Variants in FZR1 observed in about 807,000 individuals in gnomAD.
The protein encoded by FZR1 is fizzy and cell division cycle 20 related 1.
A neutral mutation model predicts 63.6 loss-of-function variants in FZR1; 11 were observed. The ratio of observed to expected loss-of-function variants is 0.17; its 90% CI spans 0.11 to 0.29. The LOEUF (loss-of-function observed/expected upper bound fraction) is 0.29, where lower values mean the gene tolerates loss of function less well. Ranked by LOEUF, FZR1 falls within the 10% of genes least tolerant of loss-of-function variation. The pLI, the probability that FZR1 is intolerant of heterozygous loss-of-function variation, is 1.00. For synonymous variants in FZR1, 328 were observed against 297.9 expected, an observed-to-expected ratio of 1.10 and a Z score of -1.04; for missense variants, 440 against 687.5, an observed-to-expected ratio of 0.64 and a Z score of 4.03.
rs202194941 is a variant in FZR1 at position 3,527,826 on chromosome 19, G to A, written c.654+12G>A. On this transcript the variant is annotated intron_variant, in intron 7 of 13. Transcript: ENST00000441788. ...CCTGTACCAGCCAGGTGGGTGCTGC[G>A]TGGGGTGTGCATGTGCATGGGGGCC... The A allele has an allele frequency of 6.8e-5, 109 of 1,601,410 alleles. No homozygotes were observed. In the African/African-American group the frequency reaches 1.2e-3, roughly 17 times the overall value.
rs1162722935 is a variant in FZR1, at chr19:3,526,335, T to A, written c.336T>A (p.Thr112=). ...TCGAGAAGGTGCAGGACCCGCAGAC[T>A]GAGGACCGCAGGCTGCAGCCCTCCA... ...AGIEKVQDPQ[T]EDRRLQPSTP... is the part of the protein sequence containing the mutation. The change falls in exon 5 of 14, where the codon ACT becomes ACA. Residue 112 remains threonine, a synonymous_variant. Transcript: ENST00000441788. The surrounding 1 kb of genome is among the most constrained non-coding windows in gnomAD (Gnocchi z 5.4). The A allele has an allele frequency of 1.2e-6, 2 of 1,602,496 alleles. No homozygotes were observed. The highest frequency in any genetic ancestry group is 1.7e-6 in the Non-Finnish European group (2 of 1,175,440).
In FZR1 at chr19:3,509,231, C is replaced by T. The variant is rs372156182; in HGVS notation, c.-35+2757C>T. Among the ~76,000 whole-genome samples the T allele has an allele frequency of 3.2e-4, 48 of 152,346 alleles. 1 individual carries two copies. The East Asian group carries it at 5.6e-3, about 18-fold the overall frequency. ...CCCAGTGGCCCCAGGTCCCTGTGTG[C>T]GTTGGCAGGTGACTGCCTTCCTCTG... On this transcript the variant is annotated intron_variant, in intron 1 of 13. Coordinates refer to ENST00000441788, the MANE Select transcript of FZR1 (RefSeq NM_016263.4).
intron 1 of FZR1, among the ~76,000 whole-genome samples, chr19:3,520,655 G>T (rs2083093333): frequency 6.6e-6 from 1 of 152,230 alleles, no homozygotes; most frequent in African/African-American, 2.4e-5. Context: ...TCCCTTGACT[G>T]CGGGCCCAGT....
intron 1 of FZR1, among the ~76,000 whole-genome samples, chr19:3,508,353 G>C (rs914070869): frequency 6.6e-6 from 1 of 151,826 alleles, no homozygotes; most frequent in African/African-American, 2.4e-5. Flanking sequence ...TGCGCACCAC[G>C]CCCGGCTATT....
chr19:3,534,349 CT>C, intron 12 of FZR1, 71 bp from the exon 13 acceptor site: 1 of 828,134 alleles, frequency 1.2e-6, no homozygotes, highest in Non-Finnish European at 2.0e-6. Context: ...CTCCCCTCTC[CT>C]TCAGTCCCCC....
chr19:3,519,091 G>A (rs867690975), intron 1 of FZR1, among the ~76,000 whole-genome samples: 36 of 152,350 alleles, frequency 2.4e-4, no homozygotes, highest in African/African-American at 8.4e-4. Context: ...GGCCGTGGGG[G>A]CACAGAGAGG....
Position 3,535,558 on chromosome 19 carries a change from C to G in FZR1, c.*722C>G, listed in dbSNP as rs2122039506. On this transcript the variant is annotated 3_prime_UTR_variant, in exon 14 of 14. Coordinates refer to ENST00000441788, the MANE Select transcript of FZR1 (RefSeq NM_016263.4). ...ATCCTGGCCAAGCGTCACCCTCACA[C>G]TGGAGGAGGATGTCTGCTCTGGACT... The G allele has an allele frequency of 6.5e-6, 1 of 152,808 alleles. No homozygotes were observed. 9.5% of individuals were successfully genotyped at this position (152,808 alleles called of 1,614,324 possible).
intron 7 of FZR1, among the ~76,000 whole-genome samples, chr19:3,529,090 G>A (rs565918475): frequency 2.8e-5 from 4 of 142,778 alleles, no homozygotes; most frequent in South Asian, 4.3e-4. Context: ...GGATGGGAGA[G>A]CAGACGGTTG....
Position 3,523,049 on chromosome 19 carries a change from G to A in FZR1, c.60G>A (p.Thr20=), listed in dbSNP as rs201187026. Residue 20 remains threonine, a synonymous_variant, in exon 2 of 14, where the codon ACG becomes ACA. Coordinates refer to ENST00000441788, the MANE Select transcript of FZR1 (RefSeq NM_016263.4). ...AGATCGTCATCCAGAATGAGAACAC[G>A]ATGCCACGCGTGAGTGCCCCCGCCC... ...LRQIVIQNEN[T]MPRVTEMRRT... is the part of the protein sequence containing the mutation. 20 of 1,602,914 alleles carry A rather than the reference G, an allele frequency of 1.2e-5. No homozygotes were observed. The highest frequency in any genetic ancestry group is 4.4e-5 in the South Asian group (4 of 90,884).
Position 3,526,975 on chromosome 19 carries a change from C to T in FZR1, c.388-5C>T, listed in dbSNP as rs777738636. The T allele has an allele frequency of 1.2e-5, 20 of 1,607,826 alleles. No individual in the cohort carries two copies. The Admixed American group carries it at 3.3e-4, about 27-fold the overall frequency. Reference sequence around the variant, plus strand: ...CGCTCAGCTGGCATGTCCCCCGCTCCACAGTATTCCCTTAGCACCAAGCGC... The same window carrying T: ...CGCTCAGCTGGCATGTCCCCCGCTCTACAGTATTCCCTTAGCACCAAGCGC... On this transcript the variant is annotated splice_polypyrimidine_tract_variant and splice_region_variant and intron_variant, in intron 5 of 13. Transcript: ENST00000441788. This position sits in a 1 kb window ranked among gnomAD's most constrained non-coding sequence, Gnocchi z 5.4.
chr19:3,523,913 G>A (rs959338172), intron 2 of FZR1, among the ~76,000 whole-genome samples: 18 of 152,196 alleles, frequency 1.2e-4, no homozygotes, highest in African/African-American at 3.9e-4. Flanking sequence ...CGGGACCTGC[G>A]GGAGCCCACC....
Position 3,526,019 on chromosome 19 carries a change from G to T in FZR1, c.195+26G>T. 1 of 1,611,084 alleles carries T rather than the reference G, an allele frequency of 6.2e-7. No individual in the cohort carries two copies. Among genetic ancestry groups the T allele is most frequent in the Non-Finnish European group, 8.5e-7 (1 of 1,179,258 alleles). The stretch of plus-strand genomic sequence containing the variant: ...GTGAGGGGCTGGCTGGGCAGGAGAT[G>T]GGACCCCCCGGGAAGCCCAGGGCCC... On this transcript the variant is annotated intron_variant, in intron 3 of 13. Transcript: ENST00000441788. This position sits in a 1 kb window ranked among gnomAD's most constrained non-coding sequence, Gnocchi z 5.4.
In FZR1 at chr19:3,533,599, C is replaced by T. The variant is rs1448665062; in HGVS notation, c.1347+201C>T. 1 of 575,358 alleles carries T rather than the reference C, an allele frequency of 1.7e-6. No individual in the cohort carries two copies. The highest frequency in any genetic ancestry group is 1.9e-5 in the African/African-American group (1 of 53,120). 35.6% of individuals were successfully genotyped at this position (575,358 alleles called of 1,614,324 possible). A position where few individuals can be genotyped will look rare whatever the true frequency, so the allele number is the denominator to read the frequency against. On this transcript the variant is annotated intron_variant, in intron 12 of 13. Transcript: ENST00000441788. The surrounding 1 kb of genome is among the most constrained non-coding windows in gnomAD (Gnocchi z 4.9). ...GAATGGGCTCTACCGAACTCCCCAGCCCTGCAGGTGCAGGCCCTGTCCTCC... is the reference window on the plus strand; with the variant it reads ...GAATGGGCTCTACCGAACTCCCCAGTCCTGCAGGTGCAGGCCCTGTCCTCC...
chr19:3,527,310 C>T (rs1159343721), intron 6 of FZR1, among the ~76,000 whole-genome samples: 1 of 152,198 alleles, frequency 6.6e-6, no homozygotes, highest in Admixed American at 6.5e-5. Context: ...CTAGAGCAGC[C>T]CAGAGATCCC....
At chr19:3,522,211 T>C (rs1464283657) in intron 1 of FZR1, among the ~76,000 whole-genome samples, 1 of 152,188 alleles carries the variant, frequency 6.6e-6, no homozygotes, top group African/African-American at 2.4e-5. Flanking sequence ...CTCCATGGCC[T>C]GCACGGACCT....
rs980074962 is a variant in FZR1 at position 3,526,392 on chromosome 19, C to T, written c.387+6C>T. On this transcript the variant is annotated splice_donor_region_variant and intron_variant, in intron 5 of 13. Transcript: ENST00000441788. This position sits in a 1 kb window ranked among gnomAD's most constrained non-coding sequence, Gnocchi z 5.4. ...AGAAGAAGGGTCTGTTCACGGTAAG[C>T]CTGCGGCACCCCCCACCCGGGAGCT... is the stretch of plus-strand genomic sequence containing the variant. The T allele has an allele frequency of 3.8e-6, 6 of 1,564,820 alleles. No homozygotes were observed. In the African/African-American group the frequency reaches 5.4e-5, roughly 14 times the overall value.
At chr19:3,528,897 G>A (rs1203309562) in intron 7 of FZR1, among the ~76,000 whole-genome samples, 1 of 149,736 alleles carries the variant, frequency 6.7e-6, no homozygotes, top group African/African-American at 2.5e-5. Flanking sequence ...GAGTGGTTGA[G>A]GGGAGTGGAT....
At chr19:3,528,786 G>T (rs1165797644) in intron 7 of FZR1, among the ~76,000 whole-genome samples, 1 of 123,540 alleles carries the variant, frequency 8.1e-6, no homozygotes, top group African/African-American at 3.3e-5. Flanking sequence ...TGGGTGCGTG[G>T]ATGGGAGAGT....
rs1156304931 is a variant in FZR1, at chr19:3,525,465, C to T, written c.70-403C>T. On this transcript the variant is annotated intron_variant, in intron 2 of 13. Coordinates refer to ENST00000441788, the MANE Select transcript of FZR1 (RefSeq NM_016263.4). The surrounding 1 kb of genome is among the most constrained non-coding windows in gnomAD (Gnocchi z 4.2). ...TTTTTTTTTTTTTTTTTTTTTGAGA[C>T]GGAGTCTCGCTCTGTCGCCCAGGCT... Among the ~76,000 whole-genome samples, 12 of 87,640 alleles carry T rather than the reference C, an allele frequency of 1.4e-4. No individual in the cohort carries two copies. The highest frequency in any genetic ancestry group is 8.4e-4 in the East Asian group (2 of 2,382). 57.5% of individuals were successfully genotyped at this position (87,640 alleles called of 152,430 possible).
Sources: allele counts gnomAD v4.1 joint callset (sites outside exome capture counted in the v4.1 genomes callset), GRCh38; gene constraint gnomAD v4.1.1; non-coding constraint Gnocchi (gnomAD v3.1); transcripts MANE v1.5; gene names NCBI Gene and HGNC (gene_info 2026-07-23, HGNC 2026-07-21).